CLIC5: variants seen among roughly 807,000 people sequenced by gnomAD.
CLIC5 encodes chloride intracellular channel protein 5.
In CLIC5, 20 loss-of-function variants were observed where a neutral mutation model predicts 24.7. That is an observed-to-expected ratio of 0.81 (90% CI 0.57 to 1.18). The LOEUF is 1.18. CLIC5 is among the 50% of genes most tolerant of loss of function. The pLI is 0.00. For missense variants in CLIC5, 341 were observed against 326.1 expected, an observed-to-expected ratio of 1.05 and a Z score of -0.35; for synonymous variants, 159 against 135.6, an observed-to-expected ratio of 1.17 and a Z score of -1.20.
At chr6:46,082,013 T>C (rs1212511406), upstream of CLIC5, among the ~76,000 whole-genome samples, 2 of 152,232 alleles carry the variant, frequency 1.3e-5, no homozygotes, top group Non-Finnish European at 2.9e-5. Context: ...CATATGCATT[T>C]TGTACATTAA....
At chr6:46,029,853 T>G (rs931691942) in intron 1 of CLIC5, among the ~76,000 whole-genome samples, 1 of 152,180 alleles carries the variant, frequency 6.6e-6, no homozygotes, top group Non-Finnish European at 1.5e-5. Flanking sequence ...AGTAAAGAAT[T>G]GCACTGATGA....
At chr6:46,005,393 G>T (rs1307898194) in intron 1 of CLIC5, among the ~76,000 whole-genome samples, 2 of 152,176 alleles carry the variant, frequency 1.3e-5, no homozygotes, top group Non-Finnish European at 2.9e-5. Flanking sequence ...ACACACCAAA[G>T]CCTGTGGGTA....
intron 1 of CLIC5, among the ~76,000 whole-genome samples, chr6:45,970,918 A>C (rs1765179646): frequency 6.6e-6 from 1 of 152,196 alleles, no homozygotes; most frequent in African/African-American, 2.4e-5. Flanking sequence ...GGCACAAAGG[A>C]GTCAGAGGTG....
rs1762443370 is a variant in CLIC5, at chr6:45,899,036, A to G, written c.*4052T>C. 1 of 152,220 alleles carries G rather than the reference A, an allele frequency of 6.6e-6. No individual in the cohort carries two copies. The highest frequency in any genetic ancestry group is 1.9e-4 in the East Asian group (1 of 5,200). The allele number at this position is 152,220 out of a possible 1,614,324, so 9.4% of individuals were successfully genotyped here. A position where few individuals can be genotyped will look rare whatever the true frequency, so the allele number is the denominator to read the frequency against. ...AATGAAATTATGCACACTTTGGATC[A>G]TACATAATTATGAATCGAAAGTATC... is the stretch of plus-strand genomic sequence containing the variant. On this transcript the variant is annotated 3_prime_UTR_variant, in exon 6 of 6. Coordinates refer to ENST00000339561, the MANE Select transcript of CLIC5 (RefSeq NM_016929.5).
upstream of CLIC5, among the ~76,000 whole-genome samples, chr6:46,016,380 C>T (rs1020460603): frequency 2.6e-5 from 4 of 152,124 alleles, no homozygotes; most frequent in Admixed American, 1.3e-4. Flanking sequence ...CATTTGCCAT[C>T]CTTGGGCTAA....
At chr6:45,993,947 G>A (rs1766035694) in intron 1 of CLIC5, among the ~76,000 whole-genome samples, 3 of 152,334 alleles carry the variant, frequency 2.0e-5, no homozygotes, top group Middle Eastern at 3.4e-3. Context: ...TGTTGGGGAA[G>A]TTTTATTTTA....
chr6:45,910,386 A>G (rs566534350), intron 5 of CLIC5, among the ~76,000 whole-genome samples: 1 of 152,326 alleles, frequency 6.6e-6, no homozygotes, highest in East Asian at 1.9e-4. Flanking sequence ...GAGATTAAAT[A>G]GGTTGGGATT....
At chr6:46,070,891 G>A (rs1459725308) in intron 1 of CLIC5, among the ~76,000 whole-genome samples, 3 of 151,982 alleles carry the variant, frequency 2.0e-5, no homozygotes, top group Non-Finnish European at 4.4e-5. Flanking sequence ...TTCACCAATG[G>A]AACAGAATAG....
chr6:46,017,372 T>C (rs939777542), upstream of CLIC5, among the ~76,000 whole-genome samples: 1 of 152,250 alleles, frequency 6.6e-6, no homozygotes, highest in Non-Finnish European at 1.5e-5. Flanking sequence ...TTGAGCACTT[T>C]ACATGTGTGA....
At chr6:45,971,654 T>G (rs914983924) in intron 1 of CLIC5, among the ~76,000 whole-genome samples, 3 of 152,228 alleles carry the variant, frequency 2.0e-5, no homozygotes, top group Non-Finnish European at 4.4e-5. Context: ...AAAGAAACAT[T>G]GCAACTTGTG....
At chr6:45,893,404 A>G (rs1253174180) in intron 6 of CLIC5, among the ~76,000 whole-genome samples, 2 of 152,132 alleles carry the variant, frequency 1.3e-5, no homozygotes, top group African/African-American at 2.4e-5. Flanking sequence ...TAATTAATCT[A>G]TGATTTAAGA....
intron 1 of CLIC5, among the ~76,000 whole-genome samples, chr6:45,958,761 C>T (rs554164742): frequency 6.6e-6 from 1 of 151,908 alleles, no homozygotes; most frequent in East Asian, 1.9e-4. Flanking sequence ...ATGAGCTTGG[C>T]TCCCTCAAAA....
chr6:45,956,058 A>G (rs980709830), intron 1 of CLIC5, among the ~76,000 whole-genome samples: 11 of 152,266 alleles, frequency 7.2e-5, no homozygotes, highest in Non-Finnish European at 1.6e-4. Flanking sequence ...CAGAATTATT[A>G]TTGGGTGTTC....
At chr6:45,924,319 G>A (rs1763390139) in intron 4 of CLIC5, among the ~76,000 whole-genome samples, 1 of 152,094 alleles carries the variant, frequency 6.6e-6, no homozygotes, top group Admixed American at 6.5e-5. Flanking sequence ...CTTAAAGGTT[G>A]GGGGTGACTG....
intron 5 of CLIC5, among the ~76,000 whole-genome samples, chr6:45,906,911 G>A (rs906143936): frequency 6.6e-6 from 1 of 152,220 alleles, no homozygotes. Context: ...ATCAGTTCCA[G>A]AAGCCTTCTG....
chr6:46,029,133 A>G (rs891414244), intron 1 of CLIC5, among the ~76,000 whole-genome samples: 35 of 152,156 alleles, frequency 2.3e-4, no homozygotes, highest in African/African-American at 8.2e-4. Flanking sequence ...CATGCCTTTC[A>G]TGGAGTCTGT....
intron 6 of CLIC5, among the ~76,000 whole-genome samples, chr6:45,888,156 G>A (rs941061831): frequency 2.6e-5 from 4 of 152,134 alleles, no homozygotes; most frequent in East Asian, 1.9e-4. Context: ...CTGGGGTGGG[G>A]GGGATTTCCT....
intron 1 of CLIC5, among the ~76,000 whole-genome samples, chr6:46,049,600 T>C (rs9463173): frequency 0.079 from 12,094 of 152,162 alleles, 592 homozygotes; most frequent in Middle Eastern, 0.12. Context: ...CCCATTTCAA[T>C]ATAACCTTCA....
chr6:46,023,870 T>C (rs971173232), intron 1 of CLIC5, among the ~76,000 whole-genome samples: 6 of 149,412 alleles, frequency 4.0e-5, no homozygotes, highest in African/African-American at 1.2e-4. Flanking sequence ...GAGTCCAAGA[T>C]AAATACATAT....
Sources: gnomAD v4.1 joint callset for allele counts (sites outside exome capture counted in the v4.1 genomes callset) on GRCh38, gnomAD v4.1.1 for gene constraint, MANE v1.5 for transcripts, NCBI Gene and HGNC (gene_info 2026-07-23, HGNC 2026-07-21) for gene names.